SGK1: variants seen among roughly 807,000 people sequenced by gnomAD.
SGK1 encodes the protein serum/glucocorticoid regulated kinase 1, also known as serine/threonine-protein kinase Sgk1.
In SGK1, 26 loss-of-function variants were observed where a neutral mutation model predicts 64.2. The observed-to-expected ratio is 0.40, with a 90% CI of 0.30 to 0.56. The LOEUF (loss-of-function observed/expected upper bound fraction) is 0.56. Among genes scored for constraint, SGK1 ranks in the 20% least tolerant of loss-of-function variants. SGK1 has a pLI of 0.38. For synonymous variants in SGK1, 265 were observed against 239.7 expected (o/e 1.11, Z -0.98); for missense variants, 519 against 645.6 (o/e 0.80, Z 2.12).
chr6:134,253,405 A>C (rs1582743857), intron 2 of SGK1, among the ~76,000 whole-genome samples: 1 of 151,094 alleles, frequency 6.6e-6, no homozygotes, highest in African/African-American at 2.4e-5. Context: ...GAGAGCTGGG[A>C]TTACAGACAT....
intron 1 of SGK1, among the ~76,000 whole-genome samples, chr6:134,290,111 T>C (rs1777241389): frequency 7.1e-6 from 1 of 141,286 alleles, no homozygotes; most frequent in South Asian, 2.2e-4. Context: ...GACCACGCCA[T>C]TGCACTCCAG....
chr6:134,174,403 C>T (rs1775140352), intron 4 of SGK1, 108 bp downstream of exon 4: 1 of 734,178 alleles, frequency 1.4e-6, no homozygotes, highest in African/African-American at 1.8e-5. Context: ...AATGAGATCC[C>T]CACCCCAGAA....
intron 2 of SGK1, among the ~76,000 whole-genome samples, chr6:134,208,131 C>T (rs1359710334): frequency 2.0e-5 from 3 of 152,096 alleles, no homozygotes; most frequent in Non-Finnish European, 4.4e-5. Context: ...AGGCTGGTCT[C>T]GAACTCCTGA....
intron 4 of SGK1, 134 bp downstream of exon 4, chr6:134,174,372 ATATAT>A: frequency 1.5e-6 from 1 of 647,064 alleles, no homozygotes; most frequent in Non-Finnish European, 2.7e-6. Context: ...AATGTGTCAA[ATATAT>A]TAGAATTTAA....
chr6:134,308,497 C>T (rs1777566964), intron 1 of SGK1, among the ~76,000 whole-genome samples: 1 of 152,104 alleles, frequency 6.6e-6, no homozygotes, highest in Non-Finnish European at 1.5e-5. Flanking sequence ...GCAAGATGTT[C>T]CTTAAGCCAC....
At chr6:134,172,133 T>G (rs1562236843) in intron 10 of SGK1, 60 bp downstream of exon 10, 8 of 1,592,928 alleles carry the variant, frequency 5.0e-6, no homozygotes, top group Non-Finnish European at 6.8e-6. Context: ...AGTGCATGAT[T>G]GTACATCTCT....
At chr6:134,308,991 G>A (rs1464260494) in intron 1 of SGK1, among the ~76,000 whole-genome samples, 1 of 152,174 alleles carries the variant, frequency 6.6e-6, no homozygotes, top group Non-Finnish European at 1.5e-5. Flanking sequence ...GTCATTTCCC[G>A]AAGCAAATGG....
intron 13 of SGK1, 144 bp downstream of exon 13, chr6:134,170,682 A>G (rs950302467): frequency 4.1e-6 from 3 of 734,424 alleles, no homozygotes; most frequent in Non-Finnish European, 6.8e-6. Context: ...GGACACAAAA[A>G]TGTGCTTTTT....
At chr6:134,205,890 G>A (rs1329828897) in intron 3 of SGK1, among the ~76,000 whole-genome samples, 3 of 152,188 alleles carry the variant, frequency 2.0e-5, no homozygotes, top group Non-Finnish European at 2.9e-5. Flanking sequence ...TCTCTTAATT[G>A]TTTTAGCTCC....
intron 2 of SGK1, among the ~76,000 whole-genome samples, chr6:134,253,477 G>T (rs1398418547): frequency 1.3e-5 from 2 of 151,752 alleles, no homozygotes; most frequent in African/African-American, 2.4e-5. Flanking sequence ...GCGAGACCTT[G>T]TCTCTACTAA....
intron 1 of SGK1, among the ~76,000 whole-genome samples, chr6:134,300,277 G>A (rs147881336): frequency 7.2e-5 from 11 of 152,174 alleles, no homozygotes; most frequent in African/African-American, 1.4e-4. Flanking sequence ...AATGGCTCAC[G>A]CCTGTAATCC....
chr6:134,216,878 C>A (rs1030511305), intron 2 of SGK1, among the ~76,000 whole-genome samples: 9 of 152,064 alleles, frequency 5.9e-5, no homozygotes, highest in African/African-American at 2.2e-4. Context: ...TGGGACAGCA[C>A]AAACAAAGGT....
intron 1 of SGK1, among the ~76,000 whole-genome samples, chr6:134,281,448 T>C (rs1362516813): frequency 1.3e-5 from 2 of 151,946 alleles, no homozygotes; most frequent in Non-Finnish European, 2.9e-5. Context: ...GAAAAATACA[T>C]ATATGAGTTA....
chr6:134,271,659 A>G (rs1241316426), intron 1 of SGK1, among the ~76,000 whole-genome samples: 1 of 147,392 alleles, frequency 6.8e-6, no homozygotes, highest in Non-Finnish European at 1.5e-5. Context: ...GGTTTGTTAC[A>G]CAGGTAAGCT....
intron 1 of SGK1, among the ~76,000 whole-genome samples, chr6:134,275,781 G>A (rs917323708): frequency 2.0e-5 from 3 of 152,144 alleles, no homozygotes; most frequent in Admixed American, 6.5e-5. Flanking sequence ...TTACTTTGCA[G>A]TTCTCTTAAA....
At chr6:134,213,980 A>T (rs1775935596) in intron 2 of SGK1, among the ~76,000 whole-genome samples, 1 of 152,222 alleles carries the variant, frequency 6.6e-6, no homozygotes, top group Non-Finnish European at 1.5e-5. Flanking sequence ...TTTAACAATT[A>T]TCAATATTTT....
intron 3 of SGK1, among the ~76,000 whole-genome samples, chr6:134,205,716 AG>A (rs1419958910): frequency 1.3e-5 from 2 of 152,256 alleles, no homozygotes; most frequent in African/African-American, 4.8e-5. Flanking sequence ...TAACAAGGAA[AG>A]GGCTGTCTCT....
intron 3 of SGK1, among the ~76,000 whole-genome samples, chr6:134,192,019 C>T (rs868171771): frequency 1.3e-4 from 19 of 151,664 alleles, no homozygotes; most frequent in African/African-American, 4.6e-4. Context: ...TTAGTAGAGA[C>T]GGGGTTTCAC....
intron 1 of SGK1, among the ~76,000 whole-genome samples, chr6:134,302,386 A>G (rs1205482616): frequency 6.6e-6 from 1 of 152,222 alleles, no homozygotes; most frequent in Non-Finnish European, 1.5e-5. Context: ...TATCTATAGA[A>G]GATAAATTAA....
Sources: gnomAD v4.1 joint callset for allele counts (sites outside exome capture counted in the v4.1 genomes callset) on GRCh38, gnomAD v4.1.1 for gene constraint, MANE v1.5 for transcripts, NCBI Gene and HGNC (gene_info 2026-07-23, HGNC 2026-07-21) for gene names.